The following ATP4A variants were observed in gnomAD, a reference collection of about 807,000 sequenced individuals.
ATP4A encodes the protein potassium-transporting ATPase alpha chain 1.
In ATP4A, 73 loss-of-function variants were observed where a neutral mutation model predicts 112.1. That is an observed-to-expected ratio of 0.65 (90% CI 0.54 to 0.79). The LOEUF is 0.79. Among genes scored for constraint, ATP4A ranks in the 30% least tolerant of loss-of-function variants. The pLI is 0.00. For synonymous variants in ATP4A, 588 were observed against 588.9 expected (o/e 1.00, Z 0.02); for missense variants, 1,081 against 1,425.9 (o/e 0.76, Z 3.90).
rs1000567200 is a variant in ATP4A, at chr19:35,550,255, C to T, written c.*360G>A. The T allele has an allele frequency of 6.3e-6, 2 of 315,812 alleles. No individual in the cohort carries two copies. The highest frequency in any genetic ancestry group is 7.2e-5 in the East Asian group (1 of 13,960). 19.6% of individuals were successfully genotyped at this position (315,812 alleles called of 1,614,324 possible). A position where few individuals can be genotyped will look rare whatever the true frequency, so the allele number is the denominator to read the frequency against. On this transcript the variant is annotated 3_prime_UTR_variant, in exon 22 of 22. Coordinates refer to ENST00000262623, the MANE Select transcript of ATP4A (RefSeq NM_000704.3). The surrounding 1 kb of genome is among the most constrained non-coding windows in gnomAD (Gnocchi z 4.1). Reference sequence around the variant, plus strand: ...GCCCAGGACACAAGCGTGTCTTTAACGAAGGGCCCTCAGGCAGCCGTCCAG... The same window carrying T: ...GCCCAGGACACAAGCGTGTCTTTAATGAAGGGCCCTCAGGCAGCCGTCCAG...
Position 35,558,383 on chromosome 19 carries a change from G to A in ATP4A, c.1479C>T (p.Phe493=). 1 of 1,611,730 alleles carries A rather than the reference G, an allele frequency of 6.2e-7. No homozygotes were observed. The highest frequency in any genetic ancestry group is 8.5e-7 in the Non-Finnish European group (1 of 1,179,102). ...DRFPKVCEIP[F]NSTNKFQLSI... ...GCACCTGGAACTTGTTGGTGGAGTTGAAGGGTATCTCGCAGACTTTTGGGA... is the reference window on the plus strand; with the variant it reads ...GCACCTGGAACTTGTTGGTGGAGTTAAAGGGTATCTCGCAGACTTTTGGGA... Residue 493 remains phenylalanine, a synonymous_variant, in exon 10 of 22, where the codon TTC becomes TTT. Transcript: ENST00000262623. This position sits in a 1 kb window ranked among gnomAD's most constrained non-coding sequence, Gnocchi z 5.1.
Position 35,559,516 on chromosome 19 carries a change from G to A in ATP4A, c.1056+289C>T, listed in dbSNP as rs938008138. On this transcript the variant is annotated intron_variant, in intron 7 of 21. Transcript: ENST00000262623. This position sits in a 1 kb window ranked among gnomAD's most constrained non-coding sequence, Gnocchi z 4.1. ...GGGGACTGGTCTGGAGCTGGGTGCT[G>A]ACTGTGGAAGGTCTGGTGACATGCT... Among the ~76,000 whole-genome samples the A allele has an allele frequency of 2.6e-5, 4 of 152,242 alleles. No individual in the cohort carries two copies. Among genetic ancestry groups the A allele is most frequent in the African/African-American group, 9.6e-5 (4 of 41,464 alleles).
At chr19:35,552,637 C>T (rs948157445) in intron 18 of ATP4A, among the ~76,000 whole-genome samples, 4 of 152,328 alleles carry the variant, frequency 2.6e-5, no homozygotes, top group Non-Finnish European at 4.4e-5. Flanking sequence ...GAAGTATCCT[C>T]GTCTGTATGT....
intron 17 of ATP4A, 115 bp from the exon 18 acceptor site, chr19:35,553,297 G>C (rs969433140): frequency 2.8e-5 from 35 of 1,241,116 alleles, no homozygotes; most frequent in Non-Finnish European, 3.4e-5. Context: ...AGGACACACA[G>C]ACAGGGACAC....
At chr19:35,563,096 C>G in intron 3 of ATP4A, 113 bp downstream of exon 3, 1 of 1,094,314 alleles carries the variant, frequency 9.1e-7, no homozygotes, top group Non-Finnish European at 1.3e-6. Flanking sequence ...TTCTCCATAT[C>G]TTCCTCTCTT....
Position 35,559,003 on chromosome 19 carries a change from T to TA in ATP4A, c.1244_1245insT (p.Glu415AspfsTer9), listed in dbSNP as rs2071651028. ...CTCCCTCCCCCACACCTGACTGGTC[T>TA]TCCGTGGTGTCAGCTGTGTGGATGT... is the stretch of plus-strand genomic sequence containing the variant. On this transcript the variant is annotated frameshift_variant, in exon 8 of 22. Coordinates refer to ENST00000262623, the MANE Select transcript of ATP4A (RefSeq NM_000704.3). LOFTEE classifies it high-confidence loss of function. The surrounding 1 kb of genome is among the most constrained non-coding windows in gnomAD (Gnocchi z 4.1). The TA allele has an allele frequency of 2.5e-6, 4 of 1,614,192 alleles. No individual in the cohort carries two copies. The highest frequency in any genetic ancestry group is 3.4e-6 in the Non-Finnish European group (4 of 1,180,018).
intron 18 of ATP4A, among the ~76,000 whole-genome samples, chr19:35,552,753 G>A (rs1477684070): frequency 6.6e-6 from 1 of 152,204 alleles, no homozygotes; most frequent in African/African-American, 2.4e-5. Context: ...TGGGAGTGAT[G>A]CTGTAGGGAA....
intron 18 of ATP4A, among the ~76,000 whole-genome samples, chr19:35,552,797 G>T (rs1449096405): frequency 6.6e-6 from 1 of 152,236 alleles, no homozygotes; most frequent in Non-Finnish European, 1.5e-5. Context: ...CCACATCTGA[G>T]ATGATGCATT....
At chr19:35,552,749 T>C (rs774413381) in intron 18 of ATP4A, among the ~76,000 whole-genome samples, 1 of 151,748 alleles carries the variant, frequency 6.6e-6, no homozygotes, top group Non-Finnish European at 1.5e-5. Context: ...CCTGTGGGAG[T>C]GATGCTGTAG....
rs1043539248 is a variant in ATP4A at position 35,557,198 on chromosome 19, C to T, written c.1694-110G>A. On this transcript the variant is annotated intron_variant, in intron 11 of 21. Coordinates refer to ENST00000262623, the MANE Select transcript of ATP4A (RefSeq NM_000704.3). The surrounding 1 kb of genome is among the most constrained non-coding windows in gnomAD (Gnocchi z 4.4). ...CCTTGCACCAAACACCTATGGATGC[C>T]TGACCTTGTGCTGACCCCTTCACTC... The T allele has an allele frequency of 7.8e-7, 1 of 1,278,440 alleles. No individual in the cohort carries two copies. Among genetic ancestry groups the T allele is most frequent in the African/African-American group, 1.5e-5 (1 of 66,960 alleles). The allele number at this position is 1,278,440 out of a possible 1,614,324, so 79.2% of individuals were successfully genotyped here. A position where few individuals can be genotyped will look rare whatever the true frequency, so the allele number is the denominator to read the frequency against.
At position 35,559,289 on chromosome 19, in the gene ATP4A, G is replaced by A; in HGVS notation, c.1057-98C>T. The A allele has an allele frequency of 2.3e-6, 3 of 1,284,224 alleles. No homozygotes were observed. Among genetic ancestry groups the A allele is most frequent in the South Asian group, 2.5e-5 (2 of 79,290 alleles). 79.6% of individuals were successfully genotyped at this position (1,284,224 alleles called of 1,614,324 possible). On this transcript the variant is annotated intron_variant, in intron 7 of 21. Transcript: ENST00000262623. This position sits in a 1 kb window ranked among gnomAD's most constrained non-coding sequence, Gnocchi z 4.1. ...GGGGAAGGCTTTACCCCAGCCGCGG[G>A]GCTGCGTGTGCAACGTGCTTCTGCA...
In ATP4A at chr19:35,554,905, C is replaced by G; in HGVS notation, c.2481+17G>C. On this transcript the variant is annotated intron_variant, in intron 16 of 21. Transcript: ENST00000262623. ...TCTGGGCACCCTGTGGATGGGTACC[C>G]TGGGCTGTGGACTTACAATGTCAGT... is the stretch of plus-strand genomic sequence containing the variant. 6.2e-7 allele frequency: 1 copy of G among 1,613,936 alleles called. No homozygotes were observed. Among genetic ancestry groups the G allele is most frequent in the South Asian group, 1.1e-5 (1 of 91,060 alleles).
intron 16 of ATP4A, among the ~76,000 whole-genome samples, chr19:35,554,377 G>A (rs1437986521): frequency 2.6e-5 from 4 of 152,000 alleles, no homozygotes; most frequent in South Asian, 2.1e-4. Flanking sequence ...AGTAAAGTAC[G>A]GGTGATAGTA....
Position 35,557,845 on chromosome 19 carries a change from C to A in ATP4A, c.1503G>T (p.Leu501=). ...GCGGGTCCTCCAGCGTATGGATGGACAGCTGTGGGCGGGGGGGAGAGGCGA... is the reference window on the plus strand; with the variant it reads ...GCGGGTCCTCCAGCGTATGGATGGAAAGCTGTGGGCGGGGGGGAGAGGCGA... ...IPFNSTNKFQ[L]SIHTLEDPRD... The change falls in exon 11 of 22, where the codon CTG becomes CTT. Residue 501 remains leucine (L), a splice_region_variant and synonymous_variant. Transcript: ENST00000262623. This position sits in a 1 kb window ranked among gnomAD's most constrained non-coding sequence, Gnocchi z 4.4. 1 of 1,486,986 alleles carries A rather than the reference C, an allele frequency of 6.7e-7. No homozygotes were observed. 92.1% of individuals were successfully genotyped at this position (1,486,986 alleles called of 1,614,324 possible).
At chr19:35,553,441 G>A (rs2071613114) in intron 17 of ATP4A, among the ~76,000 whole-genome samples, 1 of 152,164 alleles carries the variant, frequency 6.6e-6, no homozygotes, top group South Asian at 2.1e-4. Flanking sequence ...GAGAGAAAAA[G>A]ACACATCCAG....
rs749693841 is a variant in ATP4A, at chr19:35,555,313, C to T, written c.2179G>A (p.Gly727Arg). 1.2e-6 allele frequency: 2 copies of T among 1,614,028 alleles called. No homozygotes were observed. Among genetic ancestry groups the T allele is most frequent in the South Asian group, 1.1e-5 (1 of 91,062 alleles). Reference sequence around the variant, plus strand: ...GCTGGGGAGTCATTCACACCATCCCCCGTGACGGCCACAATCGCACCCTGC... The same window carrying T: ...GCTGGGGAGTCATTCACACCATCCCTCGTGACGGCCACAATCGCACCCTGC... The part of the protein sequence containing the change: ...QRLGAIVAVT[G>R]DGVNDSPALK... The change falls in exon 15 of 22, where the codon GGG (glycine) becomes AGG (arginine). Residue 727 changes from glycine to arginine, a missense_variant. By Grantham distance (125) the Gly-to-Arg change is moderately radical. Coordinates refer to ENST00000262623, the MANE Select transcript of ATP4A (RefSeq NM_000704.3). This position sits in a 1 kb window ranked among gnomAD's most constrained non-coding sequence, Gnocchi z 6.6.
At chr19:35,553,584 C>A in intron 17 of ATP4A, 122 bp downstream of exon 17, 2 of 1,407,438 alleles carry the variant, frequency 1.4e-6, no homozygotes, top group Non-Finnish European at 1.9e-6. Context: ...CAACGGAGAC[C>A]CAGGACCAAA....
In ATP4A at chr19:35,550,748, G is replaced by T; in HGVS notation, c.3079+86C>A. 5.0e-6 allele frequency: 8 copies of T among 1,608,386 alleles called. No individual in the cohort carries two copies. Among genetic ancestry groups the T allele is most frequent in the Non-Finnish European group, 6.8e-6 (8 of 1,175,028 alleles). ...GTTGCTATGGAGGGTCAAGGGCTTAGAGGCCAAGTGTTGAGGATCAAAGGT... is the reference window on the plus strand; with the variant it reads ...GTTGCTATGGAGGGTCAAGGGCTTATAGGCCAAGTGTTGAGGATCAAAGGT... On this transcript the variant is annotated intron_variant, in intron 21 of 21. Coordinates refer to ENST00000262623, the MANE Select transcript of ATP4A (RefSeq NM_000704.3). The surrounding 1 kb of genome is among the most constrained non-coding windows in gnomAD (Gnocchi z 4.1).
rs149356804 is a variant in ATP4A at position 35,560,391 on chromosome 19, G to A, written c.759C>T (p.Ile253=). The A allele has an allele frequency of 8.7e-6, 14 of 1,613,902 alleles. No individual in the cohort carries two copies. Among genetic ancestry groups the A allele is most frequent in the African/African-American group, 8.0e-5 (6 of 74,928 alleles). ...THESPLETRN[I]AFFSTMCLEG... is the part of the protein sequence containing the mutation. ...CAAGGCACATGGTGGAGAAGAAGGC[G>A]ATGTTGCGGGTCTCCAGAGGGCTCT... is the stretch of plus-strand genomic sequence containing the variant. The change falls in exon 6 of 22, where the codon ATC becomes ATT. Residue 253 remains isoleucine, a synonymous_variant. Transcript: ENST00000262623. This position sits in a 1 kb window ranked among gnomAD's most constrained non-coding sequence, Gnocchi z 5.1.
Sources: gnomAD v4.1 joint callset for allele counts (sites outside exome capture counted in the v4.1 genomes callset) on GRCh38, gnomAD v4.1.1 for gene constraint, Gnocchi (gnomAD v3.1) non-coding constraint, MANE v1.5 for transcripts, NCBI Gene and HGNC (gene_info 2026-07-23, HGNC 2026-07-21) for gene names.